Variants in PLEKHM3 observed in about 807,000 individuals in gnomAD.
The protein encoded by PLEKHM3 is pleckstrin homology domain containing M3.
Under a neutral mutation model 81.8 loss-of-function variants are expected in PLEKHM3, and 45 were observed. That is an observed-to-expected ratio of 0.55 (90% CI 0.43 to 0.71). The LOEUF (loss-of-function observed/expected upper bound fraction) is 0.71. Among genes scored for constraint, PLEKHM3 ranks in the 30% least tolerant of loss-of-function variants. The pLI is 0.00. For synonymous variants in PLEKHM3, 352 were observed against 356.4 expected (o/e 0.99, Z 0.14); for missense variants, 788 against 924.3 (o/e 0.85, Z 1.91).
At chr2:207,870,991 C>T (rs1262591319) in intron 6 of PLEKHM3, among the ~76,000 whole-genome samples, 1 of 152,004 alleles carries the variant, frequency 6.6e-6, no homozygotes, top group African/African-American at 2.4e-5. Flanking sequence ...ACCTGTAGTC[C>T]AAGCTACTTA....
At chr2:207,973,846 G>C (rs1033383129) in intron 3 of PLEKHM3, among the ~76,000 whole-genome samples, 8 of 152,098 alleles carry the variant, frequency 5.3e-5, no homozygotes, top group African/African-American at 1.9e-4. Context: ...CACTTTCTGA[G>C]GGAAGAAAGG....
chr2:207,906,985 A>G (rs1688631442), intron 6 of PLEKHM3, among the ~76,000 whole-genome samples: 1 of 152,166 alleles, frequency 6.6e-6, no homozygotes, highest in African/African-American at 2.4e-5. Flanking sequence ...GGAAAACAAC[A>G]ACGAAAGAAC....
chr2:207,927,569 C>T (rs993958137), intron 5 of PLEKHM3, among the ~76,000 whole-genome samples: 3 of 148,780 alleles, frequency 2.0e-5, no homozygotes, highest in South Asian at 2.1e-4. Context: ...GTGGCTCACA[C>T]CTATAATCCC....
chr2:207,901,702 T>G (rs1688431827), intron 6 of PLEKHM3, among the ~76,000 whole-genome samples: 1 of 152,228 alleles, frequency 6.6e-6, no homozygotes, highest in Non-Finnish European at 1.5e-5. Flanking sequence ...CCCAGCAAGA[T>G]CTTAGCCTGT....
At chr2:207,999,610 A>G (rs969710133) in intron 2 of PLEKHM3, among the ~76,000 whole-genome samples, 1 of 152,166 alleles carries the variant, frequency 6.6e-6, no homozygotes, top group Non-Finnish European at 1.5e-5. Context: ...CCCTAAAAAA[A>G]CAGATTTTAA....
intron 7 of PLEKHM3, among the ~76,000 whole-genome samples, chr2:207,828,964 C>A (rs1006531086): frequency 1.3e-5 from 2 of 152,200 alleles, no homozygotes; most frequent in Non-Finnish European, 2.9e-5. Flanking sequence ...TGTTAACTAG[C>A]TGCCTTTATT....
At chr2:207,966,801 C>T (rs1479830678) in intron 3 of PLEKHM3, among the ~76,000 whole-genome samples, 2 of 152,128 alleles carry the variant, frequency 1.3e-5, no homozygotes, top group African/African-American at 4.8e-5. Flanking sequence ...GATCCACCCA[C>T]CTCGGCCTCC....
chr2:207,827,873 T>TTACCTCAGC lies in PLEKHM3; in HGVS notation c.*437_*445dup, dbSNP rs1166850956. 2 of 152,196 alleles carry TTACCTCAGC rather than the reference T, an allele frequency of 1.3e-5. No individual in the cohort carries two copies. The highest frequency in any genetic ancestry group is 4.8e-5 in the African/African-American group (2 of 41,436). 9.4% of individuals were successfully genotyped at this position (152,196 alleles called of 1,614,324 possible). A position where few individuals can be genotyped will look rare whatever the true frequency, so the allele number is the denominator to read the frequency against. ...AGATGATGATGGGTGCCTGCCTCAG[T>TTACCTCAGC]TACCTCAGCCTCTGTGAAGGCTAAA... On this transcript the variant is annotated 3_prime_UTR_variant, in exon 8 of 8. Transcript: ENST00000427836.
intron 2 of PLEKHM3, among the ~76,000 whole-genome samples, chr2:207,981,604 C>A (rs1474514795): frequency 6.6e-6 from 1 of 152,118 alleles, no homozygotes; most frequent in Non-Finnish European, 1.5e-5. Flanking sequence ...ACTTTGGCCT[C>A]CCAAAGTGCT....
At chr2:207,904,448 A>G (rs564474634) in intron 6 of PLEKHM3, among the ~76,000 whole-genome samples, 1 of 152,298 alleles carries the variant, frequency 6.6e-6, no homozygotes, top group East Asian at 1.9e-4. Context: ...AAACGCTACC[A>G]ACTGACTGTA....
intron 3 of PLEKHM3, among the ~76,000 whole-genome samples, chr2:207,955,978 C>A (rs994088819): frequency 7.2e-6 from 1 of 139,376 alleles, no homozygotes; most frequent in South Asian, 2.3e-4. Context: ...AAGGCTGTGT[C>A]GACACAGGGG....
In PLEKHM3 at chr2:208,000,272, C is replaced by A. The variant is rs1291147014; in HGVS notation, c.610+758G>T. Among the ~76,000 whole-genome samples the A allele has an allele frequency of 1.3e-5, 2 of 152,140 alleles. 1 individual carries two copies. Among genetic ancestry groups the A allele is most frequent in the Non-Finnish European group, 2.9e-5 (2 of 68,024 alleles). Reference sequence around the variant, plus strand: ...GTCTGCTTGCTCTCTTCTGCACGCCCTTCTCCCCACCTTTGTTTACACCAT... The same window carrying A: ...GTCTGCTTGCTCTCTTCTGCACGCCATTCTCCCCACCTTTGTTTACACCAT... On this transcript the variant is annotated intron_variant, in intron 2 of 7. Coordinates refer to ENST00000427836, the MANE Select transcript of PLEKHM3 (RefSeq NM_001080475.3).
chr2:207,911,883 T>C (rs951150694), intron 5 of PLEKHM3, among the ~76,000 whole-genome samples: 3 of 152,126 alleles, frequency 2.0e-5, no homozygotes, highest in African/African-American at 7.2e-5. Flanking sequence ...GGAGAGCATA[T>C]CTGTAATGTT....
chr2:207,862,220 T>C lies in PLEKHM3; in HGVS notation c.1951-958A>G, dbSNP rs551472555. Among the ~76,000 whole-genome samples the C allele has an allele frequency of 3.9e-5, 6 of 152,356 alleles. No homozygotes were observed. The East Asian group carries it at 1.2e-3, about 29-fold the overall frequency. On this transcript the variant is annotated intron_variant, in intron 6 of 7. Coordinates refer to ENST00000427836, the MANE Select transcript of PLEKHM3 (RefSeq NM_001080475.3). ...TCTCTCTAATTAATGCAGACACAAA[T>C]ACATGCTGGTTTTGACATAAGAAAA...
chr2:208,016,475 C>T (rs1692918072), intron 1 of PLEKHM3, among the ~76,000 whole-genome samples: 2 of 151,718 alleles, frequency 1.3e-5, no homozygotes, highest in Admixed American at 1.3e-4. Flanking sequence ...GGGTGAAACC[C>T]TGTCTCTACC....
chr2:207,872,137 C>A (rs1385178863), intron 6 of PLEKHM3, among the ~76,000 whole-genome samples: 1 of 152,198 alleles, frequency 6.6e-6, no homozygotes, highest in Admixed American at 6.5e-5. Context: ...CCCCTTGCTA[C>A]TCCAAGGAAG....
rs183056713 is a variant in PLEKHM3 at position 208,012,814 on chromosome 2, T to C, written c.-318-10857A>G. Among the ~76,000 whole-genome samples the C allele has an allele frequency of 2.0e-3, 309 of 152,360 alleles. 1 individual carries two copies. Among genetic ancestry groups the C allele is most frequent in the African/African-American group, 7.0e-3 (291 of 41,572 alleles). ...GAGAAGCACAAATGTGGACAAAGTA[T>C]GTGAAAGTTCTTTACAAACTCTAAA... is the stretch of plus-strand genomic sequence containing the variant. On this transcript the variant is annotated intron_variant, in intron 1 of 7. Coordinates refer to ENST00000427836, the MANE Select transcript of PLEKHM3 (RefSeq NM_001080475.3).
chr2:208,017,685 T>G lies in PLEKHM3; in HGVS notation c.-319+7704A>C, dbSNP rs1275840265. Among the ~76,000 whole-genome samples the G allele has an allele frequency of 4.6e-5, 7 of 152,310 alleles. No individual in the cohort carries two copies. In the East Asian group the frequency reaches 1.3e-3, roughly 29 times the overall value. On this transcript the variant is annotated intron_variant, in intron 1 of 7. Transcript: ENST00000427836. ...TTGTTCTTTATGCTTTCTGACTCCA[T>G]TTCTCATTGCCCATTCATTCTCCCC...
intron 3 of PLEKHM3, among the ~76,000 whole-genome samples, chr2:207,961,532 T>C (rs1263892346): frequency 6.6e-6 from 1 of 152,236 alleles, no homozygotes; most frequent in Non-Finnish European, 1.5e-5. Flanking sequence ...GACATTTTTT[T>C]TCAGTTAAAG....
Sources: allele counts gnomAD v4.1 joint callset (sites outside exome capture counted in the v4.1 genomes callset), GRCh38; gene constraint gnomAD v4.1.1; transcripts MANE v1.5; gene names NCBI Gene and HGNC (gene_info 2026-07-23, HGNC 2026-07-21).